TMEM38B: variants seen among roughly 807,000 people sequenced by gnomAD.
The protein encoded by TMEM38B is transmembrane protein 38B.
TMEM38B carries 24 observed loss-of-function variants against 28.7 expected under a neutral mutation model. The ratio of observed to expected loss-of-function variants is 0.84; its 90% CI spans 0.61 to 1.18. TMEM38B has a LOEUF of 1.18. Among genes scored for constraint, TMEM38B ranks in the 50% most tolerant of loss-of-function variants. The pLI is 0.00. For synonymous variants in TMEM38B, 131 were observed against 127.7 expected (o/e 1.03, Z -0.17); for missense variants, 380 against 350.9 (o/e 1.08, Z -0.66).
chr9:105,751,253 G>C (rs1292957441), intron 5 of TMEM38B, among the ~76,000 whole-genome samples: 2 of 152,206 alleles, frequency 1.3e-5, no homozygotes, highest in Non-Finnish European at 2.9e-5. Flanking sequence ...TGGGGTGGGG[G>C]ACCATGGCCC....
intron 4 of TMEM38B, among the ~76,000 whole-genome samples, chr9:105,747,131 C>G (rs983887308): frequency 9.2e-5 from 14 of 152,124 alleles, no homozygotes; most frequent in Admixed American, 3.3e-4. Context: ...CTATTGATTG[C>G]TATAGTTTCA....
chr9:105,773,884 A>G lies in TMEM38B; in HGVS notation c.680A>G (p.Gln227Arg). 1 of 1,613,588 alleles carries G rather than the reference A, an allele frequency of 6.2e-7. No homozygotes were observed. The highest frequency in any genetic ancestry group is 8.5e-7 in the Non-Finnish European group (1 of 1,179,636). ...CCCCAGATAACCATGATGACTACAC[A>G]GACTTCTACTATGACATTTGCTCCT... ...VATKITMMTT[Q>R]TSTMTFAPFE... Residue 227 changes from glutamine to arginine, a missense_variant, in exon 6 of 6, where the codon CAG becomes CGG. Gln to Arg is a conservative substitution (Grantham distance 43). Coordinates refer to ENST00000374692, the MANE Select transcript of TMEM38B (RefSeq NM_018112.3).
intron 5 of TMEM38B, among the ~76,000 whole-genome samples, chr9:105,754,043 C>T (rs908221744): frequency 1.5e-4 from 23 of 152,086 alleles, no homozygotes; most frequent in African/African-American, 5.1e-4. Flanking sequence ...GACTTTAAAA[C>T]TAATGAAGGT....
At chr9:105,713,594 G>A (rs1835985959) in intron 2 of TMEM38B, among the ~76,000 whole-genome samples, 1 of 152,190 alleles carries the variant, frequency 6.6e-6, no homozygotes, top group Admixed American at 6.5e-5. Context: ...TGGCCTGCAG[G>A]TGCCCCTTGG....
chr9:105,702,022 C>T (rs1835478066), intron 1 of TMEM38B, among the ~76,000 whole-genome samples: 1 of 152,046 alleles, frequency 6.6e-6, no homozygotes, highest in South Asian at 2.1e-4. Flanking sequence ...TGAGACCAGC[C>T]TGGCCAACAT....
At chr9:105,749,712 A>G (rs1314955974) in intron 5 of TMEM38B, among the ~76,000 whole-genome samples, 1 of 152,240 alleles carries the variant, frequency 6.6e-6, no homozygotes, top group African/African-American at 2.4e-5. Context: ...TTTAGAAGTC[A>G]TTTCACATTT....
intron 5 of TMEM38B, among the ~76,000 whole-genome samples, chr9:105,752,971 C>A (rs1332249284): frequency 6.6e-6 from 1 of 152,136 alleles, no homozygotes; most frequent in Non-Finnish European, 1.5e-5. Context: ...TAGAGAGGAA[C>A]ATAATTGACC....
intron 1 of TMEM38B, among the ~76,000 whole-genome samples, chr9:105,703,600 C>A (rs1835531866): frequency 6.6e-6 from 1 of 152,180 alleles, no homozygotes; most frequent in Admixed American, 6.5e-5. Context: ...ATTTCCAGTT[C>A]TAGATCCCTG....
chr9:105,695,837 A>G (rs1479366541), intron 1 of TMEM38B, among the ~76,000 whole-genome samples: 2 of 152,206 alleles, frequency 1.3e-5, no homozygotes, highest in Non-Finnish European at 2.9e-5. Context: ...TCGTTGGTAC[A>G]AATTTTGACC....
At chr9:105,759,998 A>C in intron 5 of TMEM38B, 1 of 1,485,336 alleles carries the variant, frequency 6.7e-7, no homozygotes, top group Non-Finnish European at 9.3e-7. Context: ...GCTGCAATCA[A>C]TAAAAGACTC....
Position 105,759,149 on chromosome 9 carries a change from A to G in TMEM38B, c.660+10959A>G, listed in dbSNP as rs904616405. On this transcript the variant is annotated intron_variant, in intron 5 of 5. Transcript: ENST00000374692. Reference sequence around the variant, plus strand: ...CTTATGTTGGATTTGAACAAGATATATTCAGCACAATCACAGATTATTTTC... The same window carrying G: ...CTTATGTTGGATTTGAACAAGATATGTTCAGCACAATCACAGATTATTTTC... 3.9e-6 allele frequency: 3 copies of G among 770,070 alleles called. No individual in the cohort carries two copies. The African/African-American group carries it at 5.1e-5, about 13-fold the overall frequency. 47.7% of individuals were successfully genotyped at this position (770,070 alleles called of 1,614,324 possible). A position where few individuals can be genotyped will look rare whatever the true frequency, so the allele number is the denominator to read the frequency against.
intron 4 of TMEM38B, among the ~76,000 whole-genome samples, chr9:105,730,934 C>T (rs184501259): frequency 2.6e-5 from 4 of 151,746 alleles, no homozygotes; most frequent in South Asian, 2.1e-4. Context: ...TTTTTTATTG[C>T]GTCTATTTGA....
At position 105,775,069 on chromosome 9, in the gene TMEM38B, T is replaced by C. The variant is rs1315016632; in HGVS notation, c.*989T>C. 6.6e-6 allele frequency: 1 copy of C among 152,132 alleles called. No homozygotes were observed. 9.4% of individuals were successfully genotyped at this position (152,132 alleles called of 1,614,324 possible). On this transcript the variant is annotated 3_prime_UTR_variant, in exon 6 of 6. Transcript: ENST00000374692. ...AGTGGCTACTGTTTTAGTTTTCTAG[T>C]TGAATATCTCTGACAAGCTTTCGTA...
At chr9:105,711,781 C>G (rs570865301) in intron 2 of TMEM38B, among the ~76,000 whole-genome samples, 1 of 150,674 alleles carries the variant, frequency 6.6e-6, no homozygotes, top group Non-Finnish European at 1.5e-5. Context: ...GATTGCACCA[C>G]TGCACTCCAG....
intron 4 of TMEM38B, among the ~76,000 whole-genome samples, chr9:105,739,874 A>T (rs994919447): frequency 1.3e-5 from 2 of 151,388 alleles, no homozygotes; most frequent in Non-Finnish European, 1.5e-5. Context: ...CTATTTAATT[A>T]CGTCTTTTTA....
chr9:105,702,657 C>T (rs528680674), intron 1 of TMEM38B: 98 of 151,210 alleles, frequency 6.5e-4, no homozygotes, highest in African/African-American at 2.1e-3. Flanking sequence ...TTGTAGCTTT[C>T]GTTTCATGAT....
At chr9:105,762,849 G>C (rs1838114118) in intron 5 of TMEM38B, among the ~76,000 whole-genome samples, 1 of 148,230 alleles carries the variant, frequency 6.7e-6, no homozygotes, top group South Asian at 2.1e-4. Context: ...TTCCACAATG[G>C]TTGAACTAGT....
intron 4 of TMEM38B, among the ~76,000 whole-genome samples, chr9:105,730,988 C>G (rs1335832409): frequency 6.6e-6 from 1 of 152,020 alleles, no homozygotes; most frequent in East Asian, 1.9e-4. Flanking sequence ...AGCCATCTAT[C>G]TATTTTGTTA....
intron 5 of TMEM38B, chr9:105,759,296 T>C: frequency 1.3e-6 from 1 of 799,394 alleles, no homozygotes; most frequent in Non-Finnish European, 2.1e-6. Flanking sequence ...TCCAAGATGA[T>C]CCACAGTCTT....
Sources: allele counts gnomAD v4.1 joint callset (sites outside exome capture counted in the v4.1 genomes callset), GRCh38; gene constraint gnomAD v4.1.1; transcripts MANE v1.5; gene names NCBI Gene and HGNC (gene_info 2026-07-23, HGNC 2026-07-21).